SPATA13: variants seen among roughly 807,000 people sequenced by gnomAD.
SPATA13 encodes the protein spermatogenesis associated 13.
SPATA13 carries 50 observed loss-of-function variants against 104.0 expected under a neutral mutation model. The observed-to-expected ratio is 0.48, with a 90% confidence interval of 0.38 to 0.61. The LOEUF is 0.61. Ranked by LOEUF, SPATA13 falls within the 20% of genes least tolerant of loss-of-function variation. SPATA13 has a pLI of 0.00. For synonymous variants in SPATA13, 606 were observed against 667.5 expected, an observed-to-expected ratio of 0.91 and a Z score of 1.42; for missense variants, 1,524 against 1,690.6, an observed-to-expected ratio of 0.90 and a Z score of 1.73.
At chr13:23,990,463 T>A (rs912868) in intron 2 of SPATA13, among the ~76,000 whole-genome samples, 94,208 of 151,880 alleles carry the variant, frequency 0.62, 30,196 homozygotes, top group Non-Finnish European at 0.71. Context: ...CTCAGGGTGC[T>A]CCCTTGTTTC....
chr13:24,037,227 T>A (rs1056062893), intron 3 of SPATA13, among the ~76,000 whole-genome samples: 5 of 133,422 alleles, frequency 3.7e-5, no homozygotes, highest in East Asian at 2.6e-4. Flanking sequence ...GGGGGAGGGA[T>A]GGCATTAGGA....
chr13:24,057,029 C>CTCTT (rs373019073), intron 3 of SPATA13, among the ~76,000 whole-genome samples: 1 of 95,568 alleles, frequency 1.0e-5, no homozygotes, highest in Admixed American at 1.3e-4. Context: ...CTCTCTCTCT[C>CTCTT]TCTTTCTTTC....
intron 3 of SPATA13, among the ~76,000 whole-genome samples, chr13:24,151,569 A>G (rs1882100251): frequency 6.6e-6 from 1 of 152,240 alleles, no homozygotes; most frequent in Non-Finnish European, 1.5e-5. Context: ...TTTGTAATAA[A>G]CATTTCAAAT....
intron 4 of SPATA13, among the ~76,000 whole-genome samples, chr13:24,270,470 T>C (rs899778927): frequency 3.9e-5 from 6 of 152,252 alleles, no homozygotes; most frequent in African/African-American, 1.4e-4. Flanking sequence ...AAAAGCTCTC[T>C]GAAAGTTTAA....
At chr13:24,297,115 T>G (rs1436693119) in intron 10 of SPATA13, among the ~76,000 whole-genome samples, 1 of 152,178 alleles carries the variant, frequency 6.6e-6, no homozygotes, top group Non-Finnish European at 1.5e-5. Flanking sequence ...CACCATTCAC[T>G]ACAGCCTCAA....
intron 3 of SPATA13, among the ~76,000 whole-genome samples, chr13:24,048,454 G>C (rs1878221709): frequency 3.2e-5 from 1 of 30,912 alleles, no homozygotes; most frequent in South Asian, 2.6e-3. Context: ...TAATTTAGTA[G>C]ATCTAGTAAA....
chr13:24,250,565 G>T (rs960177282), intron 3 of SPATA13, among the ~76,000 whole-genome samples: 17 of 152,128 alleles, frequency 1.1e-4, no homozygotes, highest in African/African-American at 4.1e-4. Flanking sequence ...TTAAAACCTG[G>T]TAGCTGATGT....
intron 3 of SPATA13, among the ~76,000 whole-genome samples, chr13:24,087,347 G>GCC (rs1246429547): frequency 1.3e-5 from 2 of 152,108 alleles, no homozygotes; most frequent in African/African-American, 4.8e-5. Flanking sequence ...CTGTTGATCA[G>GCC]CCCCTTGCCC....
chr13:24,255,078 A>G (rs2248349), intron 4 of SPATA13, among the ~76,000 whole-genome samples: 25,696 of 152,132 alleles, frequency 0.17, 3,048 homozygotes, highest in African/African-American at 0.33. Context: ...CCAGGCCATT[A>G]GCTCCTAACC....
chr13:24,158,766 C>T (rs368712885), upstream of SPATA13, among the ~76,000 whole-genome samples: 6 of 152,262 alleles, frequency 3.9e-5, no homozygotes, highest in Admixed American at 2.0e-4. Context: ...AATTCTCCAC[C>T]CAATGCAGAG....
chr13:24,273,534 T>C (rs977156193), intron 4 of SPATA13, among the ~76,000 whole-genome samples: 32 of 152,228 alleles, frequency 2.1e-4, no homozygotes, highest in African/African-American at 7.0e-4. Flanking sequence ...ACTAACAGTT[T>C]ACATTCTGGA....
chr13:24,263,241 A>C (rs1393966525), intron 4 of SPATA13, among the ~76,000 whole-genome samples: 1 of 152,224 alleles, frequency 6.6e-6, no homozygotes, highest in Non-Finnish European at 1.5e-5. Flanking sequence ...CTTTCAATAA[A>C]GAATCAGAGG....
chr13:24,226,498 A>T (rs1339249959), intron 2 of SPATA13, among the ~76,000 whole-genome samples: 1 of 152,190 alleles, frequency 6.6e-6, no homozygotes, highest in Non-Finnish European at 1.5e-5. Context: ...TTCATATTCT[A>T]TCAAACATCT....
chr13:24,188,569 C>T (rs2760363), intron 1 of SPATA13, among the ~76,000 whole-genome samples: 130,774 of 151,904 alleles, frequency 0.86, 56,648 homozygotes, highest in Non-Finnish European at 0.91. Context: ...CTAGTAGATG[C>T]GGGTTCTTGA....
rs80341005 is a variant in SPATA13, at chr13:23,992,979, G to A, written c.-147+9046G>A. 1.8e-4 allele frequency among the ~76,000 whole-genome samples: 27 copies of A among 152,338 alleles called. No individual in the cohort carries two copies. In the East Asian group the frequency reaches 5.2e-3, roughly 29 times the overall value. ...ATTTCCATCAAGCCAGCTGTGCCCT[G>A]AGAGCTGCCTGTCATATTTTCACCA... On this transcript the variant is annotated intron_variant, in intron 2 of 14. Transcript: ENST00000424834.
intron 3 of SPATA13, among the ~76,000 whole-genome samples, chr13:24,066,924 A>G (rs556815252): frequency 6.6e-6 from 1 of 152,310 alleles, no homozygotes; most frequent in South Asian, 2.1e-4. Flanking sequence ...CAAACCAAGC[A>G]GAGGCCTGGG....
intron 3 of SPATA13, among the ~76,000 whole-genome samples, chr13:24,027,515 T>G (rs1268126781): frequency 6.6e-6 from 1 of 152,196 alleles, no homozygotes; most frequent in Non-Finnish European, 1.5e-5. Flanking sequence ...ACTTCCTAAT[T>G]TCTGTGTTGT....
chr13:24,215,305 T>G (rs1871216663), intron 1 of SPATA13, among the ~76,000 whole-genome samples: 1 of 152,194 alleles, frequency 6.6e-6, no homozygotes, highest in African/African-American at 2.4e-5. Flanking sequence ...AGAAGACAGT[T>G]TAAATTAGAA....
chr13:24,274,257 G>A (rs1891105), intron 4 of SPATA13, among the ~76,000 whole-genome samples: 61,858 of 152,036 alleles, frequency 0.41, 13,789 homozygotes, highest in East Asian at 0.56. Context: ...TGTGGTTTAA[G>A]TAAGCTTAAC....
Sources: gnomAD v4.1 joint callset for allele counts (sites outside exome capture counted in the v4.1 genomes callset) on GRCh38, gnomAD v4.1.1 for gene constraint, MANE v1.5 for transcripts, NCBI Gene and HGNC (gene_info 2026-07-23, HGNC 2026-07-21) for gene names.